The following ARRB1 variants were observed in gnomAD, a reference collection of about 807,000 sequenced individuals.
ARRB1 encodes beta-arrestin-1.
A neutral mutation model predicts 56.8 loss-of-function variants in ARRB1; 21 were observed. The observed-to-expected ratio is 0.37, with a 90% CI of 0.26 to 0.53. The LOEUF (loss-of-function observed/expected upper bound fraction) is 0.53. ARRB1 is among the 20% of genes least tolerant of loss of function. The pLI is 0.88. For missense variants in ARRB1, 424 were observed against 553.7 expected, an observed-to-expected ratio of 0.77 and a Z score of 2.35; for synonymous variants, 210 against 218.6, an observed-to-expected ratio of 0.96 and a Z score of 0.35.
intron 1 of ARRB1, among the ~76,000 whole-genome samples, chr11:75,324,439 G>A (rs1393018856): frequency 6.6e-6 from 1 of 152,210 alleles, no homozygotes; most frequent in Admixed American, 6.5e-5. Context: ...CTCAGGTAGG[G>A]ATGAGGTCTG....
At chr11:75,275,137 A>AT (rs913133054) in intron 10 of ARRB1, among the ~76,000 whole-genome samples, 9 of 148,170 alleles carry the variant, frequency 6.1e-5, no homozygotes, top group Non-Finnish European at 1.0e-4. Flanking sequence ...ATTTTATTTT[A>AT]TTTTATTTTA....
intron 1 of ARRB1, among the ~76,000 whole-genome samples, chr11:75,298,781 A>G (rs925616901): frequency 6.6e-6 from 1 of 152,226 alleles, no homozygotes; most frequent in Admixed American, 6.5e-5. Flanking sequence ...GTGAAAAAAA[A>G]AATCTATCAA....
At chr11:75,280,792 C>T (rs1591909795) in intron 7 of ARRB1, among the ~76,000 whole-genome samples, 1 of 152,206 alleles carries the variant, frequency 6.6e-6, no homozygotes, top group East Asian at 1.9e-4. Flanking sequence ...ATTAAAAAGA[C>T]ATGCAGTCTG....
chr11:75,343,906 C>G (rs1458418233), intron 1 of ARRB1, among the ~76,000 whole-genome samples: 2 of 152,006 alleles, frequency 1.3e-5, no homozygotes, highest in Non-Finnish European at 2.9e-5. Flanking sequence ...AGCTCCGCCT[C>G]CCGGGTTCAT....
At chr11:75,277,279 A>AACAAGGG in intron 9 of ARRB1, 85 bp downstream of exon 9, 5 of 1,350,336 alleles carry the variant, frequency 3.7e-6, no homozygotes, top group Non-Finnish European at 5.3e-6. Flanking sequence ...CAAGGCTGTT[A>AACAAGGG]ACAAGGGGAG....
In ARRB1 at chr11:75,305,346, A is replaced by G. The variant is rs116596109; in HGVS notation, c.21-15307T>C. On this transcript the variant is annotated intron_variant, in intron 1 of 15. Coordinates refer to ENST00000420843, the MANE Select transcript of ARRB1 (RefSeq NM_004041.5). ...AGGCATAAGAAACCATGCCTGGCCC[A>G]GGAATGCATTTTCAAAACTGATTAC... 4.6e-3 allele frequency among the ~76,000 whole-genome samples: 694 copies of G among 152,010 alleles called. 8 individuals are homozygous for G. Among genetic ancestry groups the G allele is most frequent in the African/African-American group, 0.016 (670 of 41,460 alleles).
chr11:75,298,033 AAT>A (rs1946803299), intron 1 of ARRB1, among the ~76,000 whole-genome samples: 1 of 151,470 alleles, frequency 6.6e-6, no homozygotes, highest in African/African-American at 2.4e-5. Flanking sequence ...CTGAAGAAAA[AAT>A]AGACAAAATT....
At chr11:75,326,640 G>A (rs557246939) in intron 1 of ARRB1, among the ~76,000 whole-genome samples, 5 of 151,280 alleles carry the variant, frequency 3.3e-5, no homozygotes, top group African/African-American at 4.9e-5. Context: ...CCCACACACC[G>A]TCTCCAGCAG....
At chr11:75,290,704 C>G (rs1294790268) in intron 1 of ARRB1, among the ~76,000 whole-genome samples, 1 of 152,156 alleles carries the variant, frequency 6.6e-6, no homozygotes, top group African/African-American at 2.4e-5. Flanking sequence ...TGCTCAGCCT[C>G]TCAAGTCACT....
intron 1 of ARRB1, among the ~76,000 whole-genome samples, chr11:75,293,446 G>A (rs1946654378): frequency 2.0e-5 from 3 of 152,270 alleles, no homozygotes; most frequent in Middle Eastern, 6.8e-3. Flanking sequence ...CCCCTGTGAG[G>A]ATGCTTCGTT....
chr11:75,291,961 G>A (rs1415005126), intron 1 of ARRB1, among the ~76,000 whole-genome samples: 9 of 152,170 alleles, frequency 5.9e-5, no homozygotes, highest in East Asian at 1.9e-4. Context: ...AAGAGAAGGC[G>A]AGTGGGTGGT....
rs1407394313 is a variant in ARRB1, at chr11:75,290,068, G to T, written c.21-29C>A. ...TGGAGAGAAAGAGAGGTCAGGCCAG[G>T]GTTCGCGTATCCTGCCCAGGGGCAA... On this transcript the variant is annotated intron_variant, in intron 1 of 15. Transcript: ENST00000420843. 2.5e-6 allele frequency: 4 copies of T among 1,613,954 alleles called. No homozygotes were observed. In the Admixed American group the frequency reaches 5.0e-5, roughly 20 times the overall value.
rs1945778989 is a variant in ARRB1, at chr11:75,261,178, G to A, written c.*4985C>T. ...GTTGGCTAGAAAAACCATCAACTAT[G>A]TACGTGTGTGTGTGTGTGTGTGTGT... On this transcript the variant is annotated 3_prime_UTR_variant, in exon 16 of 16. Coordinates refer to ENST00000420843, the MANE Select transcript of ARRB1 (RefSeq NM_004041.5). 1 of 124,888 alleles carries A rather than the reference G, an allele frequency of 8.0e-6. No individual in the cohort carries two copies. The highest frequency in any genetic ancestry group is 1.7e-5 in the Non-Finnish European group (1 of 59,510). 7.7% of individuals were successfully genotyped at this position (124,888 alleles called of 1,614,324 possible).
rs1159158825 is a variant in ARRB1 at position 75,287,295 on chromosome 11, C to T, written c.112+20G>A. The T allele has an allele frequency of 6.5e-7, 1 of 1,548,822 alleles. No homozygotes were observed. Among genetic ancestry groups the T allele is most frequent in the Non-Finnish European group, 8.7e-7 (1 of 1,145,054 alleles). Reference sequence around the variant, plus strand: ...AGCCACATCTTCCCCCAGCCCTCCTCTCGCCCTCCAGGGACTCACCCACAG... The same window carrying T: ...AGCCACATCTTCCCCCAGCCCTCCTTTCGCCCTCCAGGGACTCACCCACAG... On this transcript the variant is annotated intron_variant, in intron 3 of 15. Coordinates refer to ENST00000420843, the MANE Select transcript of ARRB1 (RefSeq NM_004041.5).
chr11:75,272,749 G>A, intron 12 of ARRB1, 146 bp downstream of exon 12: 1 of 688,834 alleles, frequency 1.5e-6, no homozygotes, highest in South Asian at 1.8e-5. Flanking sequence ...GGAACAGAAG[G>A]GAGGAAAAGA....
chr11:75,270,862 T>C (rs972182649), intron 13 of ARRB1: 2 of 152,280 alleles, frequency 1.3e-5, no homozygotes, highest in African/African-American at 2.4e-5. Flanking sequence ...AGTCCCCTCA[T>C]TGGGAACCTG....
chr11:75,308,227 T>C (rs1947074376), intron 1 of ARRB1, among the ~76,000 whole-genome samples: 1 of 152,072 alleles, frequency 6.6e-6, no homozygotes, highest in African/African-American at 2.4e-5. Context: ...ATGAGCTCAG[T>C]CTCACCAGAG....
At chr11:75,349,220 A>G (rs1176865057) in intron 1 of ARRB1, among the ~76,000 whole-genome samples, 1 of 152,200 alleles carries the variant, frequency 6.6e-6, no homozygotes, top group Non-Finnish European at 1.5e-5. Context: ...GGCCACCATC[A>G]GGTGGATTTA....
intron 1 of ARRB1, among the ~76,000 whole-genome samples, chr11:75,348,344 A>G (rs566567): frequency 0.21 from 32,183 of 152,062 alleles, 3,599 homozygotes; most frequent in Non-Finnish European, 0.26. Context: ...AGCTTCCTGT[A>G]CCATGCTCCC....
Sources: gnomAD v4.1 joint callset for allele counts (sites outside exome capture counted in the v4.1 genomes callset) on GRCh38, gnomAD v4.1.1 for gene constraint, MANE v1.5 for transcripts, NCBI Gene and HGNC (gene_info 2026-07-23, HGNC 2026-07-21) for gene names.